Variants in EIF2AK4 observed in about 807,000 individuals in gnomAD.
EIF2AK4 encodes the protein eIF-2-alpha kinase GCN2.
A neutral mutation model predicts 211.1 loss-of-function variants in EIF2AK4; 139 were observed. That is an observed-to-expected ratio of 0.66 (90% CI 0.57 to 0.76). The LOEUF (loss-of-function observed/expected upper bound fraction) is 0.76. EIF2AK4 is among the 30% of genes least tolerant of loss of function. The pLI is 0.00. For synonymous variants in EIF2AK4, 710 were observed against 751.3 expected, an observed-to-expected ratio of 0.94 and a Z score of 0.90; for missense variants, 1,664 against 2,043.8, an observed-to-expected ratio of 0.81 and a Z score of 3.58.
At chr15:39,956,823 A>G (rs983257168) in intron 6 of EIF2AK4, among the ~76,000 whole-genome samples, 1 of 152,206 alleles carries the variant, frequency 6.6e-6, no homozygotes, top group Admixed American at 6.5e-5. Context: ...GCTTCCATGA[A>G]AAGAAACATT....
chr15:40,035,233 G>A lies in EIF2AK4; in HGVS notation c.*149G>A. 1 of 510,630 alleles carries A rather than the reference G, an allele frequency of 2.0e-6. No individual in the cohort carries two copies. Among genetic ancestry groups the A allele is most frequent in the Non-Finnish European group, 3.2e-6 (1 of 316,662 alleles). 31.6% of individuals were successfully genotyped at this position (510,630 alleles called of 1,614,324 possible). A position where few individuals can be genotyped will look rare whatever the true frequency, so the allele number is the denominator to read the frequency against. On this transcript the variant is annotated 3_prime_UTR_variant, in exon 39 of 39. Transcript: ENST00000263791. ...ACCTTTAATCCCAGCACTTTGGGAAGCCAAGGCAGGAAGACTGCTTGAAAC... is the reference window on the plus strand; with the variant it reads ...ACCTTTAATCCCAGCACTTTGGGAAACCAAGGCAGGAAGACTGCTTGAAAC...
At chr15:39,974,896 C>T (rs1194004636) in intron 11 of EIF2AK4, 1 of 152,222 alleles carries the variant, frequency 6.6e-6, no homozygotes, top group African/African-American at 2.4e-5. Flanking sequence ...CAGTTGGACC[C>T]ATTACTGTTT....
chr15:40,007,107 A>C (rs747351115), intron 24 of EIF2AK4, 42 bp downstream of exon 24: 1 of 1,467,990 alleles, frequency 6.8e-7, no homozygotes. Context: ...ACATAGGAAA[A>C]TAGTTGAATA....
At chr15:39,990,086 T>C (rs71472418) in intron 15 of EIF2AK4, among the ~76,000 whole-genome samples, 187 bp from the exon 16 acceptor site, 75 of 152,070 alleles carry the variant, frequency 4.9e-4, no homozygotes, top group Non-Finnish European at 8.8e-4. Flanking sequence ...CAGGTAGAAC[T>C]AGGAAACAGT....
At chr15:39,981,512 G>C (rs1240156694) in intron 13 of EIF2AK4, among the ~76,000 whole-genome samples, 1 of 152,098 alleles carries the variant, frequency 6.6e-6, no homozygotes, top group Non-Finnish European at 1.5e-5. Context: ...CCTAATTGAT[G>C]GGTAGAAACC....
At chr15:40,029,524 A>C (rs1489069169) in intron 34 of EIF2AK4, 60 bp downstream of exon 34, 1 of 1,525,658 alleles carries the variant, frequency 6.6e-7, no homozygotes, top group African/African-American at 1.4e-5. Flanking sequence ...CTAAGCACTT[A>C]TTACTGTAGC....
At chr15:39,975,238 T>A (rs1460550913) in intron 11 of EIF2AK4, 2 of 41,932 alleles carry the variant, frequency 4.8e-5, no homozygotes, top group African/African-American at 1.8e-4. Context: ...TTATGTCCTT[T>A]GCCTGAGATA....
At chr15:40,029,806 A>G (rs1173365290) in intron 34 of EIF2AK4, among the ~76,000 whole-genome samples, 2 of 152,228 alleles carry the variant, frequency 1.3e-5, no homozygotes, top group Non-Finnish European at 2.9e-5. Flanking sequence ...TCCCTTGAAG[A>G]AGGACACTAT....
At chr15:39,977,901 T>C (rs2034723541) in intron 12 of EIF2AK4, 177 bp from the exon 13 acceptor site, 2 of 389,260 alleles carry the variant, frequency 5.1e-6, no homozygotes, top group Non-Finnish European at 9.1e-6. Context: ...AATCAAGGGT[T>C]CTGTGTTTTG....
At chr15:39,978,860 C>G (rs762549019) in intron 13 of EIF2AK4, among the ~76,000 whole-genome samples, 13 of 152,142 alleles carry the variant, frequency 8.5e-5, no homozygotes, top group Non-Finnish European at 1.8e-4. Context: ...AAGCAAACTT[C>G]AGTCGTGAGA....
intron 2 of EIF2AK4, among the ~76,000 whole-genome samples, chr15:39,941,462 G>A (rs991937204): frequency 3.9e-5 from 6 of 152,054 alleles, no homozygotes; most frequent in African/African-American, 1.5e-4. Flanking sequence ...CTCTGTGCCA[G>A]GAACAGGGGT....
In EIF2AK4 at chr15:39,943,490, G is replaced by T; in HGVS notation, c.360+5G>T. 6.4e-7 allele frequency: 1 copy of T among 1,570,080 alleles called. No individual in the cohort carries two copies. Among genetic ancestry groups the T allele is most frequent in the Non-Finnish European group, 8.6e-7 (1 of 1,165,192 alleles). On this transcript the variant is annotated splice_donor_5th_base_variant and intron_variant, in intron 3 of 38. Transcript: ENST00000263791. ...GCCAAGAAACACTGTGGGGAGGTAA[G>T]ATTTGTTAAACTGGAATTAAAAGAA...
At chr15:40,001,356 A>C (rs1414233517) in intron 21 of EIF2AK4, 132 bp downstream of exon 21, 3 of 870,246 alleles carry the variant, frequency 3.4e-6, no homozygotes, top group Non-Finnish European at 5.3e-6. Flanking sequence ...CTAAAAGTAC[A>C]TGCAAAATGT....
At chr15:40,028,731 A>G (rs1028674030) in intron 33 of EIF2AK4, among the ~76,000 whole-genome samples, 2 of 152,164 alleles carry the variant, frequency 1.3e-5, no homozygotes, top group Non-Finnish European at 2.9e-5. Context: ...CCAGTATTGG[A>G]ATTATAGATC....
chr15:40,009,806 T>C, intron 26 of EIF2AK4, 76 bp downstream of exon 26: 3 of 1,097,144 alleles, frequency 2.7e-6, no homozygotes, highest in Non-Finnish European at 4.0e-6. Flanking sequence ...TTCCTGATGA[T>C]TTTCTTACCC....
intron 23 of EIF2AK4, among the ~76,000 whole-genome samples, chr15:40,005,043 G>A (rs1017509724): frequency 6.6e-6 from 1 of 152,138 alleles, no homozygotes; most frequent in African/African-American, 2.4e-5. Context: ...ACACTGCATT[G>A]AATCCACACA....
rs779495491 is a variant in EIF2AK4, at chr15:39,973,602, A to G, written c.1671A>G (p.Gly557=). The change falls in exon 11 of 39, where the codon GGA becomes GGG. Residue 557 remains glycine, a synonymous_variant. Transcript: ENST00000263791. ...LVEQSPEDSE[G]QDYVETVIPS... ...CCTGTTTTATCTCAGATTCTGAAGG[A>G]CAAGATTATGTTGAGACTGTTATTC... The G allele has an allele frequency of 6.2e-7, 1 of 1,611,808 alleles. No individual in the cohort carries two copies. The highest frequency in any genetic ancestry group is 2.2e-5 in the East Asian group (1 of 44,788).
In EIF2AK4 at chr15:39,998,768, G is replaced by C; in HGVS notation, c.2906G>C (p.Gly969Ala). 1.9e-6 allele frequency: 3 copies of C among 1,612,724 alleles called. No individual in the cohort carries two copies. Among genetic ancestry groups the C allele is most frequent in the Non-Finnish European group, 2.5e-6 (3 of 1,179,298 alleles). Residue 969 changes from glycine (G) to alanine (A), a missense_variant, in exon 20 of 39, where the codon GGA becomes GCA. Transcript: ENST00000263791. ...AAGTTTCCAGAAGACTTTGACGATGGAGAGCATGCAAAGCAGGTAATTTTC... is the reference window on the plus strand; with the variant it reads ...AAGTTTCCAGAAGACTTTGACGATGCAGAGCATGCAAAGCAGGTAATTTTC... ...SPKFPEDFDD[G>A]EHAKQKSVIS...
intron 2 of EIF2AK4, among the ~76,000 whole-genome samples, chr15:39,941,663 G>A (rs1395612463): frequency 6.6e-6 from 1 of 152,140 alleles, no homozygotes; most frequent in East Asian, 1.9e-4. Flanking sequence ...CTAGAGTGAG[G>A]TTTCTCCACC....
Sources: allele counts gnomAD v4.1 joint callset (sites outside exome capture counted in the v4.1 genomes callset), GRCh38; gene constraint gnomAD v4.1.1; transcripts MANE v1.5; gene names NCBI Gene and HGNC (gene_info 2026-07-23, HGNC 2026-07-21).